BCAS1: variants seen among roughly 807,000 people sequenced by gnomAD.
The protein encoded by BCAS1 is brain enriched myelin associated protein 1.
A neutral mutation model predicts 65.4 loss-of-function variants in BCAS1; 46 were observed. That is an observed-to-expected ratio of 0.70 (90% CI 0.55 to 0.90). The LOEUF (loss-of-function observed/expected upper bound fraction) is 0.90. Ranked by LOEUF, BCAS1 falls within the 40% of genes least tolerant of loss-of-function variation. BCAS1 has a pLI of 0.00. For missense variants in BCAS1, 793 were observed against 771.2 expected (o/e 1.03, Z -0.33); for synonymous variants, 298 against 293.5 (o/e 1.02, Z -0.16).
intron 1 of BCAS1, among the ~76,000 whole-genome samples, chr20:54,067,324 C>T (rs946140055): frequency 6.6e-6 from 1 of 151,698 alleles, no homozygotes; most frequent in African/African-American, 2.4e-5. Context: ...TGCAGTGAGC[C>T]GAGATCACAC....
At chr20:54,023,375 C>G (rs1669771885) in intron 4 of BCAS1, among the ~76,000 whole-genome samples, 1 of 152,198 alleles carries the variant, frequency 6.6e-6, no homozygotes. Context: ...CTGTTGACTT[C>G]TTCATCTGTA....
chr20:53,958,002 G>A (rs1174432142), intron 10 of BCAS1, among the ~76,000 whole-genome samples: 3 of 151,876 alleles, frequency 2.0e-5, no homozygotes, highest in African/African-American at 7.3e-5. Context: ...GGTTGGACTT[G>A]ACTCCTTAAA....
At position 54,058,077 on chromosome 20, in the gene BCAS1, G is replaced by C. The variant is rs765491275; in HGVS notation, c.142+8C>G. ...GAGGGTAGATGCCCTTCCCAGAGTA[G>C]CACTGACCTTCCTCTAAGTGCTGAA... On this transcript the variant is annotated splice_region_variant and intron_variant, in intron 3 of 12. Transcript: ENST00000688948. The C allele has an allele frequency of 3.1e-6, 5 of 1,611,282 alleles. No homozygotes were observed. The South Asian group carries it at 4.4e-5, about 14-fold the overall frequency.
intron 12 of BCAS1, among the ~76,000 whole-genome samples, chr20:53,946,320 C>G (rs2089314506): frequency 6.6e-6 from 1 of 151,924 alleles, no homozygotes. Context: ...CCCTAGAGTT[C>G]TGCCTTTGCC....
intron 5 of BCAS1, 34 bp from the exon 6 acceptor site, chr20:53,995,090 C>T (rs751220117): frequency 1.9e-6 from 3 of 1,577,074 alleles, no homozygotes; most frequent in Non-Finnish European, 2.6e-6. Flanking sequence ...TATTAGAAAT[C>T]ATTGCTCTTT....
At chr20:53,946,565 G>T (rs146300527) in intron 12 of BCAS1, among the ~76,000 whole-genome samples, 5 of 150,286 alleles carry the variant, frequency 3.3e-5, no homozygotes, top group Non-Finnish European at 7.4e-5. Flanking sequence ...GTATAATAAC[G>T]TATTGTAGCA....
intron 1 of BCAS1, among the ~76,000 whole-genome samples, chr20:54,063,766 A>G (rs191875002): frequency 3.4e-4 from 52 of 152,338 alleles, no homozygotes; most frequent in African/African-American, 1.3e-3. Context: ...GGCAGTTCAG[A>G]CAGTAATTCT....
intron 1 of BCAS1, among the ~76,000 whole-genome samples, chr20:54,059,452 C>T (rs955271808): frequency 6.0e-5 from 9 of 151,014 alleles, no homozygotes; most frequent in African/African-American, 2.2e-4. Flanking sequence ...GATTCTCAAA[C>T]TAAATTAATT....
At chr20:54,041,877 C>A (rs1600969970) in intron 3 of BCAS1, among the ~76,000 whole-genome samples, 1 of 84,298 alleles carries the variant, frequency 1.2e-5, no homozygotes, top group South Asian at 5.0e-4. Flanking sequence ...CTAACCTGGG[C>A]AACAGAGTTC....
At chr20:53,996,461 T>TA (rs143929524) in intron 4 of BCAS1, among the ~76,000 whole-genome samples, 17,739 of 92,296 alleles carry the variant, frequency 0.19, 1,166 homozygotes, top group Middle Eastern at 0.28. Flanking sequence ...TTATATCAAC[T>TA]AAAAAAAAAA....
At chr20:53,953,322 C>T in intron 12 of BCAS1, 110 bp downstream of exon 12, 3 of 1,362,848 alleles carry the variant, frequency 2.2e-6, no homozygotes, top group Non-Finnish European at 3.0e-6. Context: ...AGTGATAGAC[C>T]CGGGATCCCA....
At chr20:53,982,316 A>G (rs1007170493) in intron 8 of BCAS1, among the ~76,000 whole-genome samples, 1 of 152,206 alleles carries the variant, frequency 6.6e-6, no homozygotes, top group African/African-American at 2.4e-5. Flanking sequence ...AATAAATGGC[A>G]TATTTACTCC....
rs394732 is a variant in BCAS1 at position 54,058,649 on chromosome 20, G to T, written c.70C>A (p.Gln24Lys). Residue 24 changes from glutamine to lysine, a missense_variant and splice_region_variant, in exon 2 of 13, where the codon CAG becomes AAG. By Grantham distance (53) the Gln-to-Lys change is moderately conservative (BLOSUM62 1). Coordinates refer to ENST00000688948, the MANE Select transcript of BCAS1 (RefSeq NM_001366298.2). ...QENEPEAETYQDNASALNGVP... is the reference protein window; with the variant it reads ...QENEPEAETYKDNASALNGVP... ...CCCTGTAATGGTTACTACACTACCT[G>T]GTAAGTCTCTGCTTCTGGTTCATTC... is the stretch of plus-strand genomic sequence containing the variant. 0.46 allele frequency: 730,496 copies of T among 1,594,044 alleles called. 172,015 individuals are homozygous for T. Among genetic ancestry groups the T allele is most frequent in the African/African-American group, 0.76 (55,260 of 72,858 alleles).
chr20:54,008,643 A>C (rs952347746), intron 4 of BCAS1, among the ~76,000 whole-genome samples: 11 of 152,230 alleles, frequency 7.2e-5, no homozygotes, highest in Admixed American at 7.2e-4. Flanking sequence ...TAGAAAGTTT[A>C]AGCAAGATGC....
chr20:54,001,316 G>C (rs185900724), intron 4 of BCAS1, among the ~76,000 whole-genome samples: 112 of 152,238 alleles, frequency 7.4e-4, no homozygotes, highest in African/African-American at 2.6e-3. Flanking sequence ...TTTAGTTATA[G>C]TTTAACTTTG....
At chr20:54,058,593 CTTTTTTTT>C (rs3043223) in intron 2 of BCAS1, 46 bp downstream of exon 2, 12 of 1,224,696 alleles carry the variant, frequency 9.8e-6, no homozygotes, top group Non-Finnish European at 1.3e-5. Context: ...ACAGGAAGTT[CTTTTTTTT>C]TTTTTTTTTT....
At chr20:54,031,652 T>C (rs2091802948) in intron 3 of BCAS1, among the ~76,000 whole-genome samples, 1 of 151,432 alleles carries the variant, frequency 6.6e-6, no homozygotes, top group Admixed American at 6.6e-5. Context: ...AGGAAGCAGA[T>C]ACCCAATCAT....
At chr20:53,986,418 A>G (rs548290866) in intron 7 of BCAS1, among the ~76,000 whole-genome samples, 2 of 152,328 alleles carry the variant, frequency 1.3e-5, no homozygotes, top group East Asian at 3.9e-4. Context: ...TTATCTTGAC[A>G]TGAGTGAATA....
intron 11 of BCAS1, among the ~76,000 whole-genome samples, chr20:53,955,236 C>T (rs1864540095): frequency 6.6e-6 from 1 of 152,208 alleles, no homozygotes; most frequent in Non-Finnish European, 1.5e-5. Flanking sequence ...TCCACCGGTG[C>T]TCTTCAGAGG....
Sources: gnomAD v4.1 joint callset for allele counts (sites outside exome capture counted in the v4.1 genomes callset) on GRCh38, gnomAD v4.1.1 for gene constraint, MANE v1.5 for transcripts, NCBI Gene and HGNC (gene_info 2026-07-23, HGNC 2026-07-21) for gene names.